Variants in PFKL observed in about 807,000 individuals in gnomAD.
PFKL encodes the protein ATP-dependent 6-phosphofructokinase, liver type.
In PFKL, 74 loss-of-function variants were observed where a neutral mutation model predicts 92.1. The ratio of observed to expected loss-of-function variants is 0.80; its 90% CI spans 0.67 to 0.97. PFKL has a LOEUF of 0.97. Ranked by LOEUF, PFKL falls within the 50% of genes least tolerant of loss-of-function variation. The pLI, the probability that PFKL is intolerant of heterozygous loss-of-function variation, is 0.00. For missense variants in PFKL, 1,028 were observed against 1,116.6 expected (o/e 0.92, Z 1.13); for synonymous variants, 494 against 456.4 (o/e 1.08, Z -1.05).
Position 44,312,119 on chromosome 21 carries a change from T to A in PFKL, c.252T>A (p.Ile84=). ...CCTCTGTGCAGGGCGGCACTATCATTGGCAGCGCTCGCTGCAAGGCCTTTA... is the reference window on the plus strand; with the variant it reads ...CCTCTGTGCAGGGCGGCACTATCATAGGCAGCGCTCGCTGCAAGGCCTTTA... ...SNIIQLGGTI[I]GSARCKAFTT... The change falls in exon 4 of 22, where the codon ATT becomes ATA. Residue 84 remains isoleucine, a synonymous_variant. Coordinates refer to ENST00000349048, the MANE Select transcript of PFKL (RefSeq NM_002626.6). 1.9e-6 allele frequency: 3 copies of A among 1,561,438 alleles called. No homozygotes were observed. Among genetic ancestry groups the A allele is most frequent in the Non-Finnish European group, 2.6e-6 (3 of 1,154,286 alleles).
In PFKL at chr21:44,326,876, C is replaced by A; in HGVS notation, c.*14C>A. 1 of 1,596,200 alleles carries A rather than the reference C, an allele frequency of 6.3e-7. No homozygotes were observed. On this transcript the variant is annotated 3_prime_UTR_variant, in exon 22 of 22. Coordinates refer to ENST00000349048, the MANE Select transcript of PFKL (RefSeq NM_002626.6). ...AAGGGCTTCTGAGGCCAGCCATGCC[C>A]ACGCCCCTCCCCAGCCCCCACCCAT...
At position 44,300,187 on chromosome 21, in the gene PFKL, CA is replaced by C; in HGVS notation, c.84del (p.Gly29AlafsTer2). ...IGVLTSGGDA[Q>X]GMNAAVRAVT... ...CGTCCTGACCAGCGGCGGCGACGCG[CA>C]AGGTGGGCGGGGGTCCCGGCCGCGT... On this transcript the variant is annotated frameshift_variant and splice_region_variant, in exon 1 of 22. Coordinates refer to ENST00000349048, the MANE Select transcript of PFKL (RefSeq NM_002626.6). LOFTEE classifies it high-confidence loss of function. The C allele has an allele frequency of 1.8e-6, 2 of 1,135,182 alleles. No homozygotes were observed. Among genetic ancestry groups the C allele is most frequent in the Non-Finnish European group, 2.2e-6 (2 of 919,924 alleles). The allele number at this position is 1,135,182 out of a possible 1,614,324, so 70.3% of individuals were successfully genotyped here. A position where few individuals can be genotyped will look rare whatever the true frequency, so the allele number is the denominator to read the frequency against.
intron 4 of PFKL, 84 bp from the exon 5 acceptor site, chr21:44,312,894 G>A (rs923006017): frequency 3.5e-6 from 5 of 1,446,070 alleles, no homozygotes; most frequent in African/African-American, 2.8e-5. Context: ...GGATGCGGGG[G>A]AAGGGGTGGC....
chr21:44,312,886 A>T, intron 4 of PFKL, 92 bp from the exon 5 acceptor site: 1 of 1,386,542 alleles, frequency 7.2e-7, no homozygotes, highest in Non-Finnish European at 1.0e-6. Flanking sequence ...CACGCCTGGG[A>T]TGCGGGGGAA....
At chr21:44,314,731 G>C (rs2047152756) in intron 7 of PFKL, 1 of 152,304 alleles carries the variant, frequency 6.6e-6, no homozygotes, top group South Asian at 2.1e-4. Flanking sequence ...CCCCTCAACT[G>C]GGACAGGTCG....
intron 1 of PFKL, among the ~76,000 whole-genome samples, chr21:44,303,265 G>T (rs976307387): frequency 7.3e-5 from 11 of 150,842 alleles, no homozygotes; most frequent in African/African-American, 2.7e-4. Context: ...CCAAAAATCA[G>T]CCAGGCGTGG....
At chr21:44,318,300 C>T (rs1399995441) in intron 9 of PFKL, among the ~76,000 whole-genome samples, 170 bp from the exon 10 acceptor site, 10 of 152,200 alleles carry the variant, frequency 6.6e-5, no homozygotes, top group African/African-American at 1.2e-4. Flanking sequence ...TCTGGTGTGC[C>T]GTCGTGAATG....
At position 44,326,011 on chromosome 21, in the gene PFKL, G is replaced by A. The variant is rs1392962914; in HGVS notation, c.2040G>A (p.Val680=). 3 of 1,613,900 alleles carry A rather than the reference G, an allele frequency of 1.9e-6. No homozygotes were observed. Among genetic ancestry groups the A allele is most frequent in the East Asian group, 2.2e-5 (1 of 44,870 alleles). ...FDRNYGTKLG[V]KAMLWLSEKL... The stretch of plus-strand genomic sequence containing the variant: ...GGAACTATGGGACCAAGCTGGGGGT[G>A]AAGGCCATGCTGTGGTTGTCGGAGA... The change falls in exon 20 of 22, where the codon GTG becomes GTA. Residue 680 remains valine (V), a synonymous_variant. Coordinates refer to ENST00000349048, the MANE Select transcript of PFKL (RefSeq NM_002626.6).
intron 3 of PFKL, among the ~76,000 whole-genome samples, chr21:44,311,781 TGTGTGCAC>T (rs374646438): frequency 4.6e-5 from 7 of 152,282 alleles, no homozygotes; most frequent in East Asian, 1.9e-4. Flanking sequence ...ACAGGGCCTG[TGTGTGCAC>T]GTGTGCACGC....
At chr21:44,307,190 C>T (rs1213045697) in intron 2 of PFKL, 2 of 794,552 alleles carry the variant, frequency 2.5e-6, no homozygotes, top group African/African-American at 1.9e-5. Flanking sequence ...CCTCCTGCCT[C>T]ACCACCCAGA....
intron 3 of PFKL, among the ~76,000 whole-genome samples, 158 bp downstream of exon 3, chr21:44,311,241 T>TGC (rs940691775): frequency 2.0e-5 from 3 of 147,302 alleles, no homozygotes; most frequent in Non-Finnish European, 4.5e-5. Flanking sequence ...CACACACAGA[T>TGC]GTGCACACAC....
chr21:44,316,587 G>A, intron 9 of PFKL, 63 bp downstream of exon 9: 2 of 1,282,490 alleles, frequency 1.6e-6, no homozygotes, highest in Non-Finnish European at 2.2e-6. Flanking sequence ...GGGTGTGGGT[G>A]TGGGCAGTGT....
Position 44,323,696 on chromosome 21 carries a change from G to A in PFKL, c.1498-70G>A, listed in dbSNP as rs779742436. ...CAGGGAGCAGGGCTGGGCGGCCGCC[G>A]GCAGAGCCTGTCCCCGGCCCACCCT... On this transcript the variant is annotated intron_variant, in intron 15 of 21. Transcript: ENST00000349048. 1.8e-5 allele frequency: 28 copies of A among 1,518,482 alleles called. No individual in the cohort carries two copies. In the East Asian group the frequency reaches 2.7e-4, roughly 14 times the overall value. 94.1% of individuals were successfully genotyped at this position (1,518,482 alleles called of 1,614,324 possible). A position where few individuals can be genotyped will look rare whatever the true frequency, so the allele number is the denominator to read the frequency against.
At chr21:44,316,407 G>C (rs202161151) in intron 8 of PFKL, 25 bp from the exon 9 acceptor site, 1 of 1,612,362 alleles carries the variant, frequency 6.2e-7, no homozygotes, top group South Asian at 1.1e-5. Flanking sequence ...GGGGCTCAGG[G>C]CTGGTCCTTC....
In PFKL at chr21:44,321,776, C is replaced by T. The variant is rs1369585888; in HGVS notation, c.1239C>T (p.Gly413=). The T allele has an allele frequency of 4.4e-6, 7 of 1,598,726 alleles. No homozygotes were observed. Among genetic ancestry groups the T allele is most frequent in the Non-Finnish European group, 6.0e-6 (7 of 1,172,836 alleles). The part of the protein sequence containing the change: ...AILNVGAPAA[G]MNAAVRSAVR... ...TGAATGTGGGGGCCCCGGCGGCTGG[C>T]ATGAATGCGGCCGTGCGCTCGGCGG... Residue 413 remains glycine (G), a synonymous_variant, in exon 13 of 22, where the codon GGC becomes GGT. Transcript: ENST00000349048.
intron 16 of PFKL, 115 bp downstream of exon 16, chr21:44,324,033 G>C (rs1226852736): frequency 3.9e-6 from 5 of 1,276,576 alleles, no homozygotes; most frequent in Non-Finnish European, 5.5e-6. Flanking sequence ...GGGCTGCCAG[G>C]GTTGGGGTTT....
chr21:44,306,604 T>C, intron 1 of PFKL, 77 bp from the exon 2 acceptor site: 1 of 1,221,454 alleles, frequency 8.2e-7, no homozygotes. Flanking sequence ...CCCTACCCCC[T>C]GTCCTCTGAG....
intron 2 of PFKL, among the ~76,000 whole-genome samples, chr21:44,308,559 ATTTTTTTTTT>A (rs532812261): frequency 7.5e-6 from 1 of 133,624 alleles, no homozygotes; most frequent in African/African-American, 2.8e-5. Context: ...GGGGGTAGGA[ATTTTTTTTTT>A]TTTTTTTTTT....
At chr21:44,305,924 C>G (rs747317948) in intron 1 of PFKL, 1 of 1,362,360 alleles carries the variant, frequency 7.3e-7, no homozygotes, top group African/African-American at 1.5e-5. Context: ...AGCATCATGT[C>G]CAGGCTGGGG....
Sources: allele counts gnomAD v4.1 joint callset (sites outside exome capture counted in the v4.1 genomes callset), GRCh38; gene constraint gnomAD v4.1.1; transcripts MANE v1.5; gene names NCBI Gene and HGNC (gene_info 2026-07-23, HGNC 2026-07-21).